BCL7C: variants seen among roughly 807,000 people sequenced by gnomAD.
BCL7C encodes B-cell CLL/lymphoma 7 protein family member C.
A neutral mutation model predicts 26.2 loss-of-function variants in BCL7C; 8 were observed. The ratio of observed to expected loss-of-function variants is 0.30; its 90% CI spans 0.18 to 0.55. BCL7C has a LOEUF of 0.55. Ranked by LOEUF, BCL7C falls within the 20% of genes least tolerant of loss-of-function variation. BCL7C has a pLI of 0.93. For synonymous variants in BCL7C, 90 were observed against 116.5 expected (o/e 0.77, Z 1.47); for missense variants, 262 against 298.5 (o/e 0.88, Z 0.90).
chr16:30,840,776 T>A (rs969858233), intron 5 of BCL7C: 3 of 152,008 alleles, frequency 2.0e-5, no homozygotes, highest in African/African-American at 7.3e-5. Context: ...GTTCACATGG[T>A]GGGAATAATA....
intron 5 of BCL7C, among the ~76,000 whole-genome samples, chr16:30,854,519 C>A (rs1364201831): frequency 1.3e-5 from 2 of 152,106 alleles, no homozygotes; most frequent in African/African-American, 4.8e-5. Context: ...AGCGTTGAAA[C>A]CTGGCATTGA....
intron 5 of BCL7C, among the ~76,000 whole-genome samples, chr16:30,860,501 C>T (rs2054761721): frequency 6.6e-6 from 1 of 152,192 alleles, no homozygotes; most frequent in Non-Finnish European, 1.5e-5. Context: ...AAACTTAAAA[C>T]CTCTTCAACT....
chr16:30,835,658 CAAT>C (rs1411803979), intron 5 of BCL7C, among the ~76,000 whole-genome samples: 17 of 144,376 alleles, frequency 1.2e-4, no homozygotes, highest in Non-Finnish European at 6.1e-5. Context: ...CCAGCCTGAC[CAAT>C]ATGGTGAAAC....
chr16:30,844,377 G>GAA, intron 5 of BCL7C, among the ~76,000 whole-genome samples: 1 of 137,770 alleles, frequency 7.3e-6, no homozygotes, highest in Admixed American at 7.9e-5. Context: ...AAAAAAAAGG[G>GAA]AAAAAACAAA....
downstream of BCL7C, among the ~76,000 whole-genome samples, chr16:30,883,929 T>G (rs868258267): frequency 1.4e-5 from 2 of 143,240 alleles, no homozygotes; most frequent in Middle Eastern, 3.3e-3. Flanking sequence ...ATCGAGACCA[T>G]CCTGGTTAAC....
At chr16:30,868,370 C>A (rs891891316) in intron 5 of BCL7C, among the ~76,000 whole-genome samples, 1 of 150,288 alleles carries the variant, frequency 6.7e-6, no homozygotes. Context: ...ATCTCCTGAC[C>A]TCCTGATCCG....
At position 30,880,072 on chromosome 16, in the gene BCL7C, T is replaced by C. The variant is rs563093096; in HGVS notation, c.528+8788A>G. Among the ~76,000 whole-genome samples, 6 of 151,926 alleles carry C rather than the reference T, an allele frequency of 3.9e-5. No individual in the cohort carries two copies. In the South Asian group the frequency reaches 1.2e-3, roughly 32 times the overall value. On this transcript the variant is annotated intron_variant, in intron 5 of 5. Coordinates refer to the BCL7C transcript ENST00000380317. ...ACTCGGGAAGCTTAGGTGGATCACTTGGGCCCAGGAGTTCAAGGCTGCAGT... is the reference window on the plus strand; with the variant it reads ...ACTCGGGAAGCTTAGGTGGATCACTCGGGCCCAGGAGTTCAAGGCTGCAGT...
At chr16:30,851,707 G>T in intron 5 of BCL7C, 1 of 719,196 alleles carries the variant, frequency 1.4e-6, no homozygotes, top group Non-Finnish European at 2.3e-6. Flanking sequence ...TCAGAAAGTT[G>T]CAGTGGATCA....
At chr16:30,876,571 C>T (rs976285172) in intron 5 of BCL7C, among the ~76,000 whole-genome samples, 1 of 152,106 alleles carries the variant, frequency 6.6e-6, no homozygotes, top group African/African-American at 2.4e-5. Context: ...TGGCCTTATT[C>T]TAGCAGGGGA....
In BCL7C at chr16:30,846,240, T is replaced by TTTA. The variant is rs1567308543; in HGVS notation, c.529-11093_529-11092insTAA. On this transcript the variant is annotated intron_variant, in intron 5 of 5. Coordinates refer to the BCL7C transcript ENST00000380317. ...TATTTATTTATTTATTTATTTATTT[T>TTTA]TTGGAGATGGAGTCTCACTCTGTGG... 9.5e-3 allele frequency among the ~76,000 whole-genome samples: 749 copies of TTTA among 79,086 alleles called. 11 individuals carry two copies. Among genetic ancestry groups the TTTA allele is most frequent in the African/African-American group, 0.039 (698 of 17,822 alleles). The allele number at this position is 79,086 out of a possible 152,430, so 51.9% of individuals were successfully genotyped here. A position where few individuals can be genotyped will look rare whatever the true frequency, so the allele number is the denominator to read the frequency against.
At chr16:30,887,766 C>T, downstream of BCL7C, 2 of 1,487,666 alleles carry the variant, frequency 1.3e-6, no homozygotes, top group Non-Finnish European at 1.8e-6. Context: ...CCCTCCCCAG[C>T]CCTGACGGGG....
At chr16:30,889,957 A>C (rs1441555218) in intron 4 of BCL7C, among the ~76,000 whole-genome samples, 1 of 151,928 alleles carries the variant, frequency 6.6e-6, no homozygotes, top group Non-Finnish European at 1.5e-5. Flanking sequence ...AAGCTTAAAA[A>C]ATGAAGGAAA....
At chr16:30,878,901 C>T (rs1233174190) in intron 5 of BCL7C, among the ~76,000 whole-genome samples, 1 of 151,958 alleles carries the variant, frequency 6.6e-6, no homozygotes, top group African/African-American at 2.4e-5. Context: ...TTAAATGATT[C>T]CCCAGGTGAT....
chr16:30,846,176 C>T (rs1463244375), intron 5 of BCL7C, among the ~76,000 whole-genome samples: 4 of 148,676 alleles, frequency 2.7e-5, no homozygotes, highest in Non-Finnish European at 5.9e-5. Flanking sequence ...CAGGTTTGCA[C>T]CACCATGCCT....
At chr16:30,862,577 AT>A (rs1260973199) in intron 5 of BCL7C, among the ~76,000 whole-genome samples, 1 of 150,844 alleles carries the variant, frequency 6.6e-6, no homozygotes, top group Non-Finnish European at 1.5e-5. Context: ...CTCCTCCAAC[AT>A]CTATTCTCAA....
intron 5 of BCL7C, among the ~76,000 whole-genome samples, chr16:30,850,631 G>T (rs561941625): frequency 6.4e-4 from 98 of 152,242 alleles, no homozygotes; most frequent in African/African-American, 2.3e-3. Flanking sequence ...GTAAGTATTT[G>T]TGTATTTAAA....
chr16:30,846,199 AATTTATTT>A lies in BCL7C; in HGVS notation c.529-11059_529-11052del, dbSNP rs748604975. 5.3e-3 allele frequency among the ~76,000 whole-genome samples: 694 copies of A among 131,440 alleles called. 2 individuals are homozygous for A. The highest frequency in any genetic ancestry group is 6.9e-3 in the Non-Finnish European group (438 of 63,850). 86.2% of individuals were successfully genotyped at this position (131,440 alleles called of 152,430 possible). A position where few individuals can be genotyped will look rare whatever the true frequency, so the allele number is the denominator to read the frequency against. Reference sequence around the variant, plus strand: ...CACCACCATGCCTGGCTAATTTTAAAATTTATTTATTTATTTATTTATTTATTTATTTA... The same window carrying A: ...CACCACCATGCCTGGCTAATTTTAAAATTTATTTATTTATTTATTTATTTA... On this transcript the variant is annotated intron_variant, in intron 5 of 5. Transcript: ENST00000380317.
intron 5 of BCL7C, among the ~76,000 whole-genome samples, chr16:30,845,793 A>G (rs1165161033): frequency 2.0e-5 from 3 of 151,214 alleles, no homozygotes; most frequent in African/African-American, 7.3e-5. Flanking sequence ...AGCTCACTGC[A>G]GCCTCAAACT....
chr16:30,841,939 G>T (rs2054604833), intron 5 of BCL7C, among the ~76,000 whole-genome samples: 1 of 132,866 alleles, frequency 7.5e-6, no homozygotes, highest in African/African-American at 2.9e-5. Flanking sequence ...TGGGCCAAAT[G>T]CGAGACTCCA....
Sources: allele counts gnomAD v4.1 joint callset (sites outside exome capture counted in the v4.1 genomes callset), GRCh38; gene constraint gnomAD v4.1.1; transcripts MANE v1.5; gene names NCBI Gene and HGNC (gene_info 2026-07-23, HGNC 2026-07-21).